The following PDE3A variants were observed in gnomAD, a reference collection of about 807,000 sequenced individuals.
PDE3A encodes phosphodiesterase 3A.
PDE3A carries 43 observed loss-of-function variants against 98.3 expected under a neutral mutation model. The observed-to-expected ratio is 0.44, with a 90% CI of 0.34 to 0.56. The LOEUF (loss-of-function observed/expected upper bound fraction) is 0.56, where lower values mean the gene tolerates loss of function less well. Among genes scored for constraint, PDE3A ranks in the 20% least tolerant of loss-of-function variants. PDE3A has a pLI of 0.01. For missense variants in PDE3A, 1,427 were observed against 1,440.7 expected (o/e 0.99, Z 0.15); for synonymous variants, 663 against 567.9 (o/e 1.17, Z -2.38).
intron 15 of PDE3A, among the ~76,000 whole-genome samples, chr12:20,664,723 C>G (rs1196180833): frequency 6.6e-6 from 1 of 152,060 alleles, no homozygotes; most frequent in African/African-American, 2.4e-5. Context: ...ATGCCTTTTG[C>G]CTTCTGCCAT....
At chr12:20,611,029 A>G (rs1313150255) in intron 2 of PDE3A, among the ~76,000 whole-genome samples, 3 of 151,876 alleles carry the variant, frequency 2.0e-5, no homozygotes, top group East Asian at 3.9e-4. Context: ...TTTTTGTTAA[A>G]TAAGGAGATT....
intron 2 of PDE3A, among the ~76,000 whole-genome samples, chr12:20,579,719 G>A (rs1019109702): frequency 1.3e-5 from 2 of 152,146 alleles, no homozygotes; most frequent in African/African-American, 4.8e-5. Flanking sequence ...CCCACTCTGG[G>A]TACCAGTTCT....
rs146631915 is a variant in PDE3A at position 20,488,599 on chromosome 12, G to A, written c.961-68061G>A. ...TGTAATCCCAGCACTATGGGAGGCCGAGGGGGAAGAATCCCTTGAACCCAG... is the reference window on the plus strand; with the variant it reads ...TGTAATCCCAGCACTATGGGAGGCCAAGGGGGAAGAATCCCTTGAACCCAG... On this transcript the variant is annotated intron_variant, in intron 1 of 15. Transcript: ENST00000359062. Among the ~76,000 whole-genome samples, 563 of 152,164 alleles carry A rather than the reference G, an allele frequency of 3.7e-3. 4 individuals are homozygous for A. The highest frequency in any genetic ancestry group is 0.013 in the African/African-American group (528 of 41,504).
At chr12:20,431,629 A>ACT (rs1555145422) in intron 1 of PDE3A, among the ~76,000 whole-genome samples, 1 of 151,634 alleles carries the variant, frequency 6.6e-6, no homozygotes, top group Non-Finnish European at 1.5e-5. Flanking sequence ...ACACGCACAC[A>ACT]CACGCACGCA....
At chr12:20,605,563 T>C (rs980250527) in intron 2 of PDE3A, among the ~76,000 whole-genome samples, 12 of 152,096 alleles carry the variant, frequency 7.9e-5, no homozygotes, top group Admixed American at 5.2e-4. Flanking sequence ...ACTTGCCCAA[T>C]TGGAAGGGAC....
intron 1 of PDE3A, among the ~76,000 whole-genome samples, chr12:20,554,086 G>A (rs1427459966): frequency 8.1e-5 from 11 of 135,372 alleles, no homozygotes; most frequent in Non-Finnish European, 1.7e-4. Context: ...GGGTTTGGTT[G>A]TTTTTGTTTT....
chr12:20,557,318 T>C (rs546907274), intron 2 of PDE3A: 3 of 152,610 alleles, frequency 2.0e-5, no homozygotes, highest in African/African-American at 7.2e-5. Flanking sequence ...TGTGGATTTG[T>C]TTTGCTTTCA....
intron 3 of PDE3A, among the ~76,000 whole-genome samples, chr12:20,615,449 A>G (rs1240266256): frequency 6.6e-6 from 1 of 152,152 alleles, no homozygotes; most frequent in Non-Finnish European, 1.5e-5. Context: ...GCATTTTATG[A>G]AAGACTTGAG....
chr12:20,386,307 C>T (rs1943803238), intron 1 of PDE3A, among the ~76,000 whole-genome samples: 1 of 138,112 alleles, frequency 7.2e-6, no homozygotes, highest in South Asian at 2.2e-4. Context: ...TAAAAAAATA[C>T]TAAAAAAAAA....
chr12:20,518,295 G>GT (rs1390660234), intron 1 of PDE3A, among the ~76,000 whole-genome samples: 2 of 151,962 alleles, frequency 1.3e-5, no homozygotes, highest in African/African-American at 4.8e-5. Context: ...AATCAGTTCT[G>GT]TTTTTTACAG....
intron 1 of PDE3A, among the ~76,000 whole-genome samples, chr12:20,505,454 TATG>T (rs1946099309): frequency 6.8e-6 from 1 of 148,114 alleles, no homozygotes. Context: ...TCTCTTTCCA[TATG>T]TGGTACATTT....
At chr12:20,526,684 A>G (rs1946526802) in intron 1 of PDE3A, among the ~76,000 whole-genome samples, 1 of 151,590 alleles carries the variant, frequency 6.6e-6, no homozygotes, top group Non-Finnish European at 1.5e-5. Context: ...AATGGATGCC[A>G]GTTTATGTTA....
intron 1 of PDE3A, among the ~76,000 whole-genome samples, chr12:20,540,641 GT>G (rs1397315838): frequency 6.6e-6 from 1 of 152,026 alleles, no homozygotes; most frequent in Non-Finnish European, 1.5e-5. Context: ...TTCTGATCAT[GT>G]TTGAATGTGT....
intron 2 of PDE3A, among the ~76,000 whole-genome samples, chr12:20,561,146 A>C (rs549638158): frequency 1.4e-4 from 21 of 152,124 alleles, no homozygotes; most frequent in African/African-American, 4.6e-4. Flanking sequence ...CTGTAGTCTC[A>C]GCTACTCGCA....
chr12:20,561,364 T>C (rs751706684), intron 2 of PDE3A, among the ~76,000 whole-genome samples: 24 of 152,254 alleles, frequency 1.6e-4, no homozygotes, highest in Non-Finnish European at 2.2e-4. Context: ...CTTGGTAGGA[T>C]TGAGGATATA....
intron 1 of PDE3A, chr12:20,553,093 G>A: frequency 1.2e-6 from 1 of 827,326 alleles, no homozygotes; most frequent in South Asian, 1.7e-5. Context: ...TTCTTAGTGG[G>A]CTTAACTTAA....
intron 1 of PDE3A, among the ~76,000 whole-genome samples, chr12:20,556,314 G>A (rs1434911000): frequency 6.6e-6 from 1 of 152,054 alleles, no homozygotes; most frequent in Non-Finnish European, 1.5e-5. Context: ...TTTAACTGCA[G>A]TAGTCATTTA....
At chr12:20,500,544 T>C (rs953609589) in intron 1 of PDE3A, among the ~76,000 whole-genome samples, 1 of 152,188 alleles carries the variant, frequency 6.6e-6, no homozygotes, top group African/African-American at 2.4e-5. Flanking sequence ...TTCCATGTGA[T>C]ATCCTTTAAA....
chr12:20,465,573 C>G (rs915909138), intron 1 of PDE3A, among the ~76,000 whole-genome samples: 19 of 151,890 alleles, frequency 1.3e-4, no homozygotes, highest in Non-Finnish European at 2.5e-4. Context: ...CTGTGCCTGG[C>G]TAATTTCTTG....
Sources: allele counts gnomAD v4.1 joint callset (sites outside exome capture counted in the v4.1 genomes callset), GRCh38; gene constraint gnomAD v4.1.1; transcripts MANE v1.5; gene names NCBI Gene and HGNC (gene_info 2026-07-23, HGNC 2026-07-21).